The following IRS1 variants were observed in gnomAD, a reference collection of about 807,000 sequenced individuals.
The protein encoded by IRS1 is insulin receptor substrate 1.
Under a neutral mutation model 65.6 loss-of-function variants are expected in IRS1, and 34 were observed. That is an observed-to-expected ratio of 0.52 (90% CI 0.39 to 0.69). The LOEUF (loss-of-function observed/expected upper bound fraction) is 0.69. Among genes scored for constraint, IRS1 ranks in the 30% least tolerant of loss-of-function variants. The pLI, the probability that IRS1 is intolerant of heterozygous loss-of-function variation, is 0.00. For missense variants in IRS1, 1,641 were observed against 1,720.2 expected (o/e 0.95, Z 0.81); for synonymous variants, 699 against 683.5 (o/e 1.02, Z -0.35).
At chr2:226,786,948 C>A (rs929020527) in intron 1 of IRS1, among the ~76,000 whole-genome samples, 13 of 152,060 alleles carry the variant, frequency 8.5e-5, no homozygotes, top group East Asian at 1.9e-4. Flanking sequence ...AAGTGTTGGA[C>A]CTTTTCTTCA....
rs1225201887 is a variant in IRS1 at position 226,794,041 on chromosome 2, T to G, written c.*21+948A>C. On this transcript the variant is annotated intron_variant, in intron 1 of 1. Coordinates refer to ENST00000305123, the MANE Select transcript of IRS1 (RefSeq NM_005544.3). This position sits in a 1 kb window ranked among gnomAD's most constrained non-coding sequence, Gnocchi z 4.1. ...TATACAGTTTAGCCCTTCTACTCAA[T>G]GCAAAACAAAACAAATTAAGGCATG... is the stretch of plus-strand genomic sequence containing the variant. 6.6e-6 allele frequency among the ~76,000 whole-genome samples: 1 copy of G among 152,204 alleles called. No individual in the cohort carries two copies. The highest frequency in any genetic ancestry group is 1.5e-5 in the Non-Finnish European group (1 of 68,036).
chr2:226,734,018 T>A lies in IRS1; in HGVS notation c.*2254A>T, dbSNP rs1015329001. Reference sequence around the variant, plus strand: ...CGGTAACACATATTCAAAGTGTAGGTTCCTTGAGAAATAATAACCAGCTTT... The same window carrying A: ...CGGTAACACATATTCAAAGTGTAGGATCCTTGAGAAATAATAACCAGCTTT... On this transcript the variant is annotated 3_prime_UTR_variant, in exon 2 of 2. Coordinates refer to ENST00000305123, the MANE Select transcript of IRS1 (RefSeq NM_005544.3). 2.0e-5 allele frequency: 3 copies of A among 152,188 alleles called. No homozygotes were observed. The highest frequency in any genetic ancestry group is 6.5e-5 in the Admixed American group (1 of 15,284). The allele number at this position is 152,188 out of a possible 1,614,324, so 9.4% of individuals were successfully genotyped here. A position where few individuals can be genotyped will look rare whatever the true frequency, so the allele number is the denominator to read the frequency against.
chr2:226,744,658 A>G (rs1938501624), intron 1 of IRS1, among the ~76,000 whole-genome samples: 1 of 152,198 alleles, frequency 6.6e-6, no homozygotes, highest in African/African-American at 2.4e-5. Context: ...TGAACCGTGT[A>G]TGCAAGGGAT....
rs1403455452 is a variant in IRS1, at chr2:226,735,604, T to G, written c.*668A>C. 6.6e-6 allele frequency: 1 copy of G among 152,650 alleles called. No individual in the cohort carries two copies. Among genetic ancestry groups the G allele is most frequent in the East Asian group, 1.9e-4 (1 of 5,206 alleles). The allele number at this position is 152,650 out of a possible 1,614,324, so 9.5% of individuals were successfully genotyped here. ...CAATTGAGAACCATCTATGGCACTA[T>G]GATTCTTATATTATGTTTTCTGAAT... On this transcript the variant is annotated 3_prime_UTR_variant, in exon 2 of 2. Coordinates refer to ENST00000305123, the MANE Select transcript of IRS1 (RefSeq NM_005544.3).
chr2:226,759,168 T>C (rs1222951900), intron 1 of IRS1, among the ~76,000 whole-genome samples: 1 of 152,230 alleles, frequency 6.6e-6, no homozygotes, highest in Non-Finnish European at 1.5e-5. Context: ...GTAATATTCA[T>C]TAGGCACCCA....
rs1396541537 is a variant in IRS1, at chr2:226,795,066, C to T, written c.3673G>A (p.Asp1225Asn). ...ESSSTRRSSEDLSAYASISFQ... is the reference protein window; with the variant it reads ...ESSSTRRSSENLSAYASISFQ... ...CTGATGCTGGCATAGGCGCTTAAAT[C>T]CTCACTTGAGCGGCGGGTGGAGCTG... Residue 1225 changes from aspartate (D) to asparagine (N), a missense_variant, in exon 1 of 2, where the codon GAT (aspartate) becomes AAT (asparagine). By Grantham distance (23) the Asp-to-Asn change is conservative. This residue lies in a region of IRS1 where 1,324 missense variants were observed against 1,361.0 expected (regional missense o/e 0.97). Coordinates refer to ENST00000305123, the MANE Select transcript of IRS1 (RefSeq NM_005544.3). 6 of 1,611,642 alleles carry T rather than the reference C, an allele frequency of 3.7e-6. No individual in the cohort carries two copies. The highest frequency in any genetic ancestry group is 5.1e-6 in the Non-Finnish European group (6 of 1,179,566).
intron 1 of IRS1, among the ~76,000 whole-genome samples, chr2:226,754,276 T>C (rs1375345873): frequency 2.6e-5 from 4 of 152,188 alleles, no homozygotes; most frequent in Admixed American, 2.6e-4. Flanking sequence ...AAACCATTCC[T>C]GGAGTGAGGG....
At chr2:226,748,986 A>C (rs1437166822) in intron 1 of IRS1, among the ~76,000 whole-genome samples, 13 of 152,208 alleles carry the variant, frequency 8.5e-5, no homozygotes. Flanking sequence ...CAGGTCCCAG[A>C]GTACACCAAG....
In IRS1 at chr2:226,733,107, C is replaced by T. The variant is rs186138780; in HGVS notation, c.*3165G>A. 7.2e-5 allele frequency: 11 copies of T among 152,146 alleles called. No individual in the cohort carries two copies. Among genetic ancestry groups the T allele is most frequent in the Non-Finnish European group, 1.0e-4 (7 of 68,008 alleles). 9.4% of individuals were successfully genotyped at this position (152,146 alleles called of 1,614,324 possible). ...CTGCAGTAAATAAATATAAAGTTTC[C>T]GACTTTGTGGTATATTGTATTCAAG... On this transcript the variant is annotated 3_prime_UTR_variant, in exon 2 of 2. Transcript: ENST00000305123.
chr2:226,765,046 C>T (rs1939004892), intron 1 of IRS1, among the ~76,000 whole-genome samples: 1 of 152,208 alleles, frequency 6.6e-6, no homozygotes, highest in South Asian at 2.1e-4. Context: ...ATCCTTAGCT[C>T]TCGCAAGCTT....
At chr2:226,755,740 C>G (rs116401260) in intron 1 of IRS1, among the ~76,000 whole-genome samples, 1 of 152,300 alleles carries the variant, frequency 6.6e-6, no homozygotes, top group South Asian at 2.1e-4. Context: ...ATTAGTGCCA[C>G]CCACAAATAC....
At chr2:226,769,335 C>T (rs547799872) in intron 1 of IRS1, among the ~76,000 whole-genome samples, 3 of 152,216 alleles carry the variant, frequency 2.0e-5, no homozygotes, top group Non-Finnish European at 4.4e-5. Context: ...TACACATGGA[C>T]ACTGAACTCA....
At chr2:226,788,680 C>G (rs1010636593) in intron 1 of IRS1, among the ~76,000 whole-genome samples, 1 of 152,224 alleles carries the variant, frequency 6.6e-6, no homozygotes, top group African/African-American at 2.4e-5. Flanking sequence ...ATAGATGATA[C>G]TTACTAACCT....
chr2:226,797,745 C>CGTCACT lies in IRS1; in HGVS notation c.988_993dup (p.Ser330_Asp331dup). 1 of 1,596,166 alleles carries CGTCACT rather than the reference C, an allele frequency of 6.3e-7. No homozygotes were observed. The highest frequency in any genetic ancestry group is 8.5e-7 in the Non-Finnish European group (1 of 1,176,904). ...GCTGGGCGGGACATGGTGCCTTCGC[C>CGTCACT]GTCACTGGAGGCGCGGACACGGAAG... On this transcript the variant is annotated inframe_insertion, in exon 1 of 2. Coordinates refer to ENST00000305123, the MANE Select transcript of IRS1 (RefSeq NM_005544.3). The surrounding 1 kb of genome is among the most constrained non-coding windows in gnomAD (Gnocchi z 8.1).
chr2:226,785,850 G>A (rs1168614754), intron 1 of IRS1, among the ~76,000 whole-genome samples: 1 of 148,508 alleles, frequency 6.7e-6, no homozygotes, highest in African/African-American at 2.5e-5. Flanking sequence ...CCATTAACTC[G>A]TCATTTAGCA....
intron 1 of IRS1, among the ~76,000 whole-genome samples, chr2:226,792,751 G>C (rs556381515): frequency 1.9e-4 from 29 of 152,346 alleles, no homozygotes; most frequent in Non-Finnish European, 3.4e-4. Flanking sequence ...GAGGAAGTGA[G>C]GAAAATAATG....
rs1179586526 is a variant in IRS1, at chr2:226,756,596, G to A, written c.*22-20346C>T. ...CTTATTGATGCAGAACAATAGCAAC[G>A]TGACCTAAGGCTCAGGGATTCAATC... On this transcript the variant is annotated intron_variant, in intron 1 of 1. Coordinates refer to ENST00000305123, the MANE Select transcript of IRS1 (RefSeq NM_005544.3). Among the ~76,000 whole-genome samples the A allele has an allele frequency of 3.3e-5, 5 of 152,146 alleles. No individual in the cohort carries two copies. The South Asian group carries it at 8.3e-4, about 25-fold the overall frequency.
chr2:226,791,269 TGGCCCGCA>T (rs1251107127), intron 1 of IRS1, among the ~76,000 whole-genome samples: 1 of 152,028 alleles, frequency 6.6e-6, no homozygotes, highest in African/African-American at 2.4e-5. Context: ...CAACCCCACC[TGGCCCGCA>T]GGCCCGCAGC....
chr2:226,784,396 TG>T (rs986711127), intron 1 of IRS1, among the ~76,000 whole-genome samples: 25 of 152,134 alleles, frequency 1.6e-4, no homozygotes, highest in African/African-American at 5.1e-4. Flanking sequence ...CTAATTCAAA[TG>T]TTTTTTTTTA....
Sources: allele counts gnomAD v4.1 joint callset (sites outside exome capture counted in the v4.1 genomes callset), GRCh38; gene constraint gnomAD v4.1.1; regional missense constraint gnomAD v4.1.1; non-coding constraint Gnocchi (gnomAD v3.1); transcripts MANE v1.5; gene names NCBI Gene and HGNC (gene_info 2026-07-23, HGNC 2026-07-21).